Variants in CLPB observed in about 807,000 individuals in gnomAD.
The protein encoded by CLPB is ClpB family mitochondrial disaggregase.
In CLPB, 40 loss-of-function variants were observed where a neutral mutation model predicts 78.4. The observed-to-expected ratio is 0.51, with a 90% CI of 0.40 to 0.66. CLPB has a LOEUF of 0.66. Among genes scored for constraint, CLPB ranks in the 30% least tolerant of loss-of-function variants. The pLI is 0.00. For missense variants in CLPB, 780 were observed against 886.9 expected, an observed-to-expected ratio of 0.88 and a Z score of 1.53; for synonymous variants, 333 against 348.0, an observed-to-expected ratio of 0.96 and a Z score of 0.48.
At chr11:72,424,835 G>A (rs1337286132) in intron 2 of CLPB, among the ~76,000 whole-genome samples, 2 of 151,876 alleles carry the variant, frequency 1.3e-5, no homozygotes, top group Admixed American at 6.6e-5. Flanking sequence ...GCAGTGAGCC[G>A]AGATCGCACC....
chr11:72,384,920 GA>G (rs983838893), intron 3 of CLPB, among the ~76,000 whole-genome samples: 10 of 152,134 alleles, frequency 6.6e-5, no homozygotes, highest in Admixed American at 6.6e-4. Context: ...AATGGGAAGG[GA>G]AAGATAGACT....
intron 1 of CLPB, among the ~76,000 whole-genome samples, chr11:72,433,140 C>A (rs1053687945): frequency 3.3e-5 from 5 of 152,200 alleles, no homozygotes; most frequent in African/African-American, 1.2e-4. Flanking sequence ...ATGGCAAGAT[C>A]ACCTCACAGC....
At chr11:72,427,422 G>A (rs941610987) in intron 2 of CLPB, among the ~76,000 whole-genome samples, 6 of 152,196 alleles carry the variant, frequency 3.9e-5, no homozygotes, top group Admixed American at 3.9e-4. Flanking sequence ...CCAACCATGT[G>A]TAACCTACAG....
At chr11:72,333,069 A>G (rs1950256451) in intron 5 of CLPB, 1 of 152,216 alleles carries the variant, frequency 6.6e-6, no homozygotes, top group Admixed American at 6.5e-5. Context: ...TAAAATCCCC[A>G]AGCTACAGGC....
intron 5 of CLPB, among the ~76,000 whole-genome samples, chr11:72,333,667 C>T (rs928934220): frequency 1.2e-4 from 19 of 152,198 alleles, no homozygotes; most frequent in African/African-American, 3.6e-4. Flanking sequence ...TGAGTGTCAT[C>T]AGTGTGCTGA....
In CLPB at chr11:72,429,430, G is replaced by A. The variant is rs190279911; in HGVS notation, c.455+882C>T. 3.1e-3 allele frequency among the ~76,000 whole-genome samples: 470 copies of A among 152,278 alleles called. 4 individuals are homozygous for A. Among genetic ancestry groups the A allele is most frequent in the South Asian group, 0.013 (65 of 4,820 alleles). ...TTTCTTGTATGTTCAGGAAGCTAAGGTGGGGAAGAACACCAAGGGCCTGTG... is the reference window on the plus strand; with the variant it reads ...TTTCTTGTATGTTCAGGAAGCTAAGATGGGGAAGAACACCAAGGGCCTGTG... On this transcript the variant is annotated intron_variant, in intron 2 of 15. Coordinates refer to ENST00000538039, the MANE Select transcript of CLPB (RefSeq NM_001258392.3).
intron 8 of CLPB, among the ~76,000 whole-genome samples, chr11:72,308,129 T>C (rs1949777934): frequency 6.6e-6 from 1 of 152,218 alleles, no homozygotes; most frequent in Non-Finnish European, 1.5e-5. Flanking sequence ...TGGTGGTCAT[T>C]AGGGGCCTTC....
chr11:72,290,628 AC>A lies in CLPB; in HGVS notation c.*2738del, dbSNP rs1342833026. 6.6e-6 allele frequency: 1 copy of A among 152,154 alleles called. No individual in the cohort carries two copies. Among genetic ancestry groups the A allele is most frequent in the East Asian group, 1.9e-4 (1 of 5,188 alleles). 9.4% of individuals were successfully genotyped at this position (152,154 alleles called of 1,614,324 possible). ...ACAGTGGAGAAACCTGGCACACACC[AC>A]CTTAGCCATGTGATCAAAGTTACCA... On this transcript the variant is annotated 3_prime_UTR_variant, in exon 16 of 16. Coordinates refer to ENST00000538039, the MANE Select transcript of CLPB (RefSeq NM_001258392.3).
At chr11:72,408,535 C>T (rs886806366) in intron 2 of CLPB, among the ~76,000 whole-genome samples, 77 of 151,874 alleles carry the variant, frequency 5.1e-4, no homozygotes, top group African/African-American at 1.8e-3. Context: ...GGTGTGGTGG[C>T]ACACACCTGT....
intron 4 of CLPB, among the ~76,000 whole-genome samples, chr11:72,378,518 A>G (rs1854792417): frequency 6.6e-6 from 1 of 152,198 alleles, no homozygotes; most frequent in South Asian, 2.1e-4. Flanking sequence ...GGGAAAGACT[A>G]GCCCCCATGA....
chr11:72,413,162 G>A (rs1855926970), intron 2 of CLPB, among the ~76,000 whole-genome samples: 1 of 152,066 alleles, frequency 6.6e-6, no homozygotes, highest in Admixed American at 6.6e-5. Context: ...GGTGGCACAT[G>A]CCTGTAATCC....
At chr11:72,386,324 G>T (rs562893489) in intron 3 of CLPB, among the ~76,000 whole-genome samples, 1 of 152,178 alleles carries the variant, frequency 6.6e-6, no homozygotes, top group East Asian at 1.9e-4. Flanking sequence ...TTCTCTTAGG[G>T]TGTCTATCTT....
At chr11:72,411,089 A>G (rs940982355) in intron 2 of CLPB, among the ~76,000 whole-genome samples, 1 of 152,220 alleles carries the variant, frequency 6.6e-6, no homozygotes, top group Non-Finnish European at 1.5e-5. Context: ...CCCAGTAGGC[A>G]AGCATGTCCT....
intron 6 of CLPB, among the ~76,000 whole-genome samples, chr11:72,328,612 C>T (rs1950169368): frequency 6.6e-6 from 1 of 152,134 alleles, no homozygotes. Context: ...CTAGGTGGGA[C>T]CTGCCACACT....
chr11:72,388,982 C>T (rs1188871458), intron 3 of CLPB, among the ~76,000 whole-genome samples: 2 of 152,052 alleles, frequency 1.3e-5, no homozygotes, highest in African/African-American at 4.8e-5. Context: ...AATTAAGGGC[C>T]ACACACCAGG....
At chr11:72,365,954 C>G (rs1165172679) in intron 4 of CLPB, among the ~76,000 whole-genome samples, 1 of 152,104 alleles carries the variant, frequency 6.6e-6, no homozygotes, top group Non-Finnish European at 1.5e-5. Flanking sequence ...CTATAAAAAT[C>G]CTAGAAGAAA....
chr11:72,352,497 C>T (rs1009494683), intron 5 of CLPB: 3 of 152,394 alleles, frequency 2.0e-5, no homozygotes, highest in Middle Eastern at 3.4e-3. Flanking sequence ...TGCCTTTGAA[C>T]ACGTTGCTCC....
chr11:72,433,104 C>T (rs1021666945), intron 1 of CLPB, among the ~76,000 whole-genome samples: 1 of 152,168 alleles, frequency 6.6e-6, no homozygotes, highest in Non-Finnish European at 1.5e-5. Flanking sequence ...AGGAATCCAC[C>T]TTCCTTCTCC....
At chr11:72,339,361 A>G (rs151028571) in intron 5 of CLPB, among the ~76,000 whole-genome samples, 228 of 152,332 alleles carry the variant, frequency 1.5e-3, no homozygotes, top group Middle Eastern at 0.01. Flanking sequence ...ACATTTTCAG[A>G]TATTTCAAGG....
Sources: allele counts gnomAD v4.1 joint callset (sites outside exome capture counted in the v4.1 genomes callset), GRCh38; gene constraint gnomAD v4.1.1; transcripts MANE v1.5; gene names NCBI Gene and HGNC (gene_info 2026-07-23, HGNC 2026-07-21).